MAPK10: variants seen among roughly 807,000 people sequenced by gnomAD.
MAPK10 encodes the protein JNK3 alpha protein kinase.
A neutral mutation model predicts 59.3 loss-of-function variants in MAPK10; 25 were observed. The ratio of observed to expected loss-of-function variants is 0.42; its 90% CI spans 0.31 to 0.59. The LOEUF (loss-of-function observed/expected upper bound fraction) is 0.59, where lower values mean the gene tolerates loss of function less well. Ranked by LOEUF, MAPK10 falls within the 20% of genes least tolerant of loss-of-function variation. MAPK10 has a pLI of 0.15. For missense variants in MAPK10, 351 were observed against 568.9 expected (o/e 0.62, Z 3.90); for synonymous variants, 190 against 200.5 (o/e 0.95, Z 0.44).
chr4:86,248,414 T>A lies in MAPK10; in HGVS notation c.-6-54007A>T, dbSNP rs116442084. ...CAAGATAACTCAGTAATTAGTTTTT[T>A]TAAAATCTCAATTCATCATTCAACA... On this transcript the variant is annotated intron_variant, in intron 2 of 13. Coordinates refer to ENST00000641462, the MANE Select transcript of MAPK10 (RefSeq NM_138982.4). Among the ~76,000 whole-genome samples the A allele has an allele frequency of 4.4e-3, 663 of 152,326 alleles. 6 individuals are homozygous for A. Among genetic ancestry groups the A allele is most frequent in the African/African-American group, 0.015 (637 of 41,568 alleles).
chr4:86,132,992 C>T (rs565054070), intron 4 of MAPK10, among the ~76,000 whole-genome samples: 33 of 152,318 alleles, frequency 2.2e-4, no homozygotes, highest in Admixed American at 2.2e-3. Flanking sequence ...CCTCAAGCCC[C>T]AGGCCCATGG....
intron 2 of MAPK10, among the ~76,000 whole-genome samples, chr4:86,215,852 A>G (rs2148621450): frequency 6.6e-6 from 1 of 152,134 alleles, no homozygotes; most frequent in Middle Eastern, 3.4e-3. Flanking sequence ...ACAGATTGAG[A>G]CTCCATCTCA....
chr4:86,390,944 A>C (rs1742105029), intron 1 of MAPK10, among the ~76,000 whole-genome samples: 1 of 152,208 alleles, frequency 6.6e-6, no homozygotes, highest in African/African-American at 2.4e-5. Flanking sequence ...TAGCTCTCAG[A>C]GCCTGTGCCA....
intron 3 of MAPK10, among the ~76,000 whole-genome samples, chr4:86,188,992 C>T (rs2078992563): frequency 6.6e-6 from 1 of 152,158 alleles, no homozygotes; most frequent in African/African-American, 2.4e-5. Flanking sequence ...TTTCCCAACA[C>T]CATTTATTAA....
chr4:86,250,828 C>T (rs114792686), intron 2 of MAPK10, among the ~76,000 whole-genome samples: 1 of 152,264 alleles, frequency 6.6e-6, no homozygotes, highest in Admixed American at 6.5e-5. Flanking sequence ...TGGTCATGAG[C>T]TACAACACAG....
chr4:86,379,715 AC>A (rs1342150895), intron 1 of MAPK10, among the ~76,000 whole-genome samples: 7 of 152,194 alleles, frequency 4.6e-5, no homozygotes, highest in Non-Finnish European at 7.4e-5. Flanking sequence ...TGTAAGGAAT[AC>A]TTTTAGTTAA....
intron 1 of MAPK10, among the ~76,000 whole-genome samples, chr4:86,373,570 C>T (rs1319807565): frequency 6.6e-6 from 1 of 151,924 alleles, no homozygotes; most frequent in Non-Finnish European, 1.5e-5. Context: ...CAAGAAAAAA[C>T]AACCCCATCA....
intron 2 of MAPK10, among the ~76,000 whole-genome samples, chr4:86,305,887 A>G (rs1344334831): frequency 1.3e-5 from 2 of 152,170 alleles, no homozygotes; most frequent in African/African-American, 4.8e-5. Flanking sequence ...GTCTATTGTA[A>G]TACACTTTTA....
chr4:86,161,345 GATTTAGA>G (rs1357701010), intron 3 of MAPK10, among the ~76,000 whole-genome samples: 1 of 152,014 alleles, frequency 6.6e-6, no homozygotes, highest in African/African-American at 2.4e-5. Context: ...ACAACAACAG[GATTTAGA>G]ATTTAGACAA....
intron 2 of MAPK10, among the ~76,000 whole-genome samples, chr4:86,239,343 A>G (rs1274622384): frequency 6.6e-6 from 1 of 152,198 alleles, no homozygotes; most frequent in Non-Finnish European, 1.5e-5. Flanking sequence ...TTTTGGTATC[A>G]GGATGATTCT....
chr4:86,518,564 G>C (rs1301712772), intron 1 of MAPK10, among the ~76,000 whole-genome samples: 1 of 150,404 alleles, frequency 6.6e-6, no homozygotes, highest in African/African-American at 2.4e-5. Context: ...TCAAAAACCA[G>C]CTTTTTGTTT....
chr4:86,194,264 T>C (rs889902494), intron 3 of MAPK10, 72 bp downstream of exon 3: 40 of 1,152,200 alleles, frequency 3.5e-5, no homozygotes, highest in Non-Finnish European at 4.8e-5. Flanking sequence ...GTGGAATGTA[T>C]GCAAATGGTA....
intron 3 of MAPK10, among the ~76,000 whole-genome samples, chr4:86,178,795 A>G (rs563562282): frequency 2.0e-5 from 3 of 152,216 alleles, no homozygotes; most frequent in Non-Finnish European, 4.4e-5. Flanking sequence ...TAAAGACTCT[A>G]CTAAAAAACC....
In MAPK10 at chr4:86,545,094, T is replaced by C. The variant is rs79915056; in HGVS notation, c.-263+48816A>G. Among the ~76,000 whole-genome samples the C allele has an allele frequency of 9.6e-3, 1,463 of 152,292 alleles. 17 individuals are homozygous for C. The highest frequency in any genetic ancestry group is 0.033 in the African/African-American group (1,380 of 41,560). ...ATTGGATAATAAAGGAGCCAAATAG[T>C]GTCACATGGCTCACGTGTGTATCAA... On this transcript the variant is annotated intron_variant, in intron 1 of 4. Transcript: ENST00000502302.
At chr4:86,367,360 T>C (rs1415641392) in intron 1 of MAPK10, among the ~76,000 whole-genome samples, 1 of 152,168 alleles carries the variant, frequency 6.6e-6, no homozygotes, top group Non-Finnish European at 1.5e-5. Flanking sequence ...TCTTTCATGA[T>C]ACTATTAGAA....
Position 86,069,967 on chromosome 4 carries a change from T to C in MAPK10, c.803-2012A>G, listed in dbSNP as rs2047483234. Among the ~76,000 whole-genome samples the C allele has an allele frequency of 1.3e-5, 2 of 152,176 alleles. 1 individual carries two copies. Among genetic ancestry groups the C allele is most frequent in the Admixed American group, 1.3e-4 (2 of 15,270 alleles). On this transcript the variant is annotated intron_variant, in intron 9 of 13. Transcript: ENST00000641462. Reference sequence around the variant, plus strand: ...TAAGGAGAGTCAGATATTCTGGAATTTGTTAAATAAGAATTGTTAAAATGT... The same window carrying C: ...TAAGGAGAGTCAGATATTCTGGAATCTGTTAAATAAGAATTGTTAAAATGT...
chr4:86,141,302 C>A (rs1384222025), intron 4 of MAPK10, among the ~76,000 whole-genome samples: 1 of 152,162 alleles, frequency 6.6e-6, no homozygotes, highest in African/African-American at 2.4e-5. Flanking sequence ...TAGTTAACTG[C>A]TGAACAAGGC....
At chr4:86,446,446 C>T (rs1750053252) in intron 1 of MAPK10, among the ~76,000 whole-genome samples, 1 of 152,030 alleles carries the variant, frequency 6.6e-6, no homozygotes, top group Non-Finnish European at 1.5e-5. Flanking sequence ...AAACTCCTGG[C>T]CTCAAGCAAT....
intron 2 of MAPK10, among the ~76,000 whole-genome samples, chr4:86,333,161 T>C (rs1177951318): frequency 6.6e-6 from 1 of 152,120 alleles, no homozygotes; most frequent in Non-Finnish European, 1.5e-5. Flanking sequence ...AATCAAGTAT[T>C]ACTTTATAAA....
Sources: gnomAD v4.1 joint callset for allele counts (sites outside exome capture counted in the v4.1 genomes callset) on GRCh38, gnomAD v4.1.1 for gene constraint, MANE v1.5 for transcripts, NCBI Gene and HGNC (gene_info 2026-07-23, HGNC 2026-07-21) for gene names.